CPO: variants seen among roughly 807,000 people sequenced by gnomAD.
The protein encoded by CPO is carboxypeptidase O.
In CPO, 43 loss-of-function variants were observed where a neutral mutation model predicts 41.2. That is an observed-to-expected ratio of 1.04 (90% CI 0.82 to 1.35). The LOEUF is 1.35. CPO is among the 40% of genes most tolerant of loss of function. CPO has a pLI of 0.00. For missense variants in CPO, 408 were observed against 451.7 expected (o/e 0.90, Z 0.88); for synonymous variants, 178 against 162.7 (o/e 1.09, Z -0.72).
chr2:206,948,760 C>CA (rs1693195547), intron 1 of CPO, among the ~76,000 whole-genome samples: 1 of 152,026 alleles, frequency 6.6e-6, no homozygotes, highest in Admixed American at 6.6e-5. Context: ...GACCTTGTTT[C>CA]AAAAACAAAA....
At chr2:206,966,653 C>A (rs1191915313) in intron 7 of CPO, among the ~76,000 whole-genome samples, 13 of 152,320 alleles carry the variant, frequency 8.5e-5, no homozygotes, top group Middle Eastern at 3.4e-3. Flanking sequence ...AACCCAGGAA[C>A]TGAGGCAGAC....
chr2:206,962,620 T>A lies in CPO; in HGVS notation c.777+6T>A, dbSNP rs1335415867. 2.5e-6 allele frequency: 4 copies of A among 1,610,782 alleles called. No homozygotes were observed. Among genetic ancestry groups the A allele is most frequent in the African/African-American group, 1.3e-5 (1 of 74,810 alleles). Reference sequence around the variant, plus strand: ...CAAGTAACCACCCAGAAATGGTGAGTCCATAGCACCAAGGCCTCCAGAAAA... The same window carrying A: ...CAAGTAACCACCCAGAAATGGTGAGACCATAGCACCAAGGCCTCCAGAAAA... On this transcript the variant is annotated splice_donor_region_variant and intron_variant, in intron 7 of 8. Coordinates refer to ENST00000272852, the MANE Select transcript of CPO (RefSeq NM_173077.3).
At chr2:206,955,377 G>T (rs1478483422) in intron 2 of CPO, 86 bp from the exon 3 acceptor site, 3 of 814,908 alleles carry the variant, frequency 3.7e-6, no homozygotes, top group Non-Finnish European at 6.6e-6. Flanking sequence ...AGAGTTCAAT[G>T]TGTCAGTGAA....
At chr2:206,950,596 A>G (rs12326184) in intron 2 of CPO, among the ~76,000 whole-genome samples, 3 of 152,230 alleles carry the variant, frequency 2.0e-5, no homozygotes, top group African/African-American at 7.2e-5. Flanking sequence ...CCAAAGGATT[A>G]TAAATCATTC....
At chr2:206,949,565 A>C in intron 1 of CPO, 52 bp from the exon 2 acceptor site, 2 of 1,321,630 alleles carry the variant, frequency 1.5e-6, no homozygotes, top group Non-Finnish European at 2.2e-6. Context: ...GCCAACCCTC[A>C]GGATATCCCA....
chr2:206,965,885 G>C lies in CPO; in HGVS notation c.778-2378G>C, dbSNP rs73983130. 5.7e-3 allele frequency among the ~76,000 whole-genome samples: 861 copies of C among 152,248 alleles called. 9 individuals carry two copies. Among genetic ancestry groups the C allele is most frequent in the African/African-American group, 0.02 (828 of 41,540 alleles). Reference sequence around the variant, plus strand: ...TATTATAGCCTTGCAATGTAGTGTCGAAGGAGAGAGAAGTACAATCAGGAG... The same window carrying C: ...TATTATAGCCTTGCAATGTAGTGTCCAAGGAGAGAGAAGTACAATCAGGAG... On this transcript the variant is annotated intron_variant, in intron 7 of 8. Coordinates refer to ENST00000272852, the MANE Select transcript of CPO (RefSeq NM_173077.3).
At position 206,969,368 on chromosome 2, in the gene CPO, AGT is replaced by A; in HGVS notation, c.1059_1060del (p.Ala354TrpfsTer?). On this transcript the variant is annotated frameshift_variant, in exon 9 of 9. Coordinates refer to ENST00000272852, the MANE Select transcript of CPO (RefSeq NM_173077.3). LOFTEE classifies it low-confidence loss of function (END_TRUNC). ...DVYAKHWHSD[S>X]AGRVTSATML... ...GTATGCGAAACACTGGCACTCGGACAGTGCTGGAAGGGTGACATCTGCCACTA... is the reference window on the plus strand; with the variant it reads ...GTATGCGAAACACTGGCACTCGGACAGCTGGAAGGGTGACATCTGCCACTA... 6.2e-7 allele frequency: 1 copy of A among 1,614,062 alleles called. No individual in the cohort carries two copies.
chr2:206,955,327 C>T, intron 2 of CPO, 136 bp from the exon 3 acceptor site: 1 of 664,270 alleles, frequency 1.5e-6, no homozygotes, highest in Admixed American at 2.3e-5. Context: ...TTTTCTGTTT[C>T]TTTTACCACA....
At chr2:206,945,656 C>G (rs1422214794) in intron 1 of CPO, among the ~76,000 whole-genome samples, 1 of 152,134 alleles carries the variant, frequency 6.6e-6, no homozygotes, top group East Asian at 1.9e-4. Flanking sequence ...GAATGTTTCT[C>G]TTAGGTGTGA....
intron 4 of CPO, 24 bp downstream of exon 4, chr2:206,958,429 A>C (rs2105826100): frequency 7.7e-7 from 1 of 1,290,450 alleles, no homozygotes; most frequent in Admixed American, 1.9e-5. Context: ...GCTTTCTCAT[A>C]CTGGTAAATC....
chr2:206,946,667 A>G (rs966056508), intron 1 of CPO, among the ~76,000 whole-genome samples: 2 of 152,172 alleles, frequency 1.3e-5, no homozygotes, highest in Non-Finnish European at 2.9e-5. Flanking sequence ...AAGAAATAAT[A>G]CTGTATTTGT....
chr2:206,946,498 CA>C (rs1443261322), intron 1 of CPO, among the ~76,000 whole-genome samples: 1 of 152,132 alleles, frequency 6.6e-6, no homozygotes, highest in Non-Finnish European at 1.5e-5. Flanking sequence ...AAAAAATCTA[CA>C]GTTTACATTA....
intron 1 of CPO, 29 bp from the exon 2 acceptor site, chr2:206,949,588 C>A: frequency 6.4e-7 from 1 of 1,554,802 alleles, no homozygotes; most frequent in Non-Finnish European, 8.9e-7. Context: ...TTCACCACTG[C>A]TTTTCCTCTT....
At chr2:206,942,920 C>T (rs548116388) in intron 1 of CPO, among the ~76,000 whole-genome samples, 3 of 152,290 alleles carry the variant, frequency 2.0e-5, no homozygotes, top group African/African-American at 7.2e-5. Flanking sequence ...TCGGGGCTTT[C>T]ACTTAAATCC....
chr2:206,954,407 G>A (rs111262899), intron 2 of CPO, among the ~76,000 whole-genome samples: 9 of 30,436 alleles, frequency 3.0e-4, no homozygotes, highest in East Asian at 2.1e-3. Context: ...AAAGCATAAC[G>A]AGTCACCTTT....
At position 206,962,503 on chromosome 2, in the gene CPO, A is replaced by G. The variant is rs1057191742; in HGVS notation, c.666A>G (p.Ile222Met). The change falls in exon 7 of 9, where the codon ATA (isoleucine) becomes ATG (methionine). Residue 222 changes from isoleucine to methionine, a missense_variant. Physicochemically the swap from Ile to Met is conservative, Grantham distance 10. Transcript: ENST00000272852. ...AGACTAAAGCTGTTGCCAGCTTCATAGAGAGCAAGAAGGATGATATTTTGT... is the reference window on the plus strand; with the variant it reads ...AGACTAAAGCTGTTGCCAGCTTCATGGAGAGCAAGAAGGATGATATTTTGT... The part of the protein sequence containing the change: ...EPETKAVASF[I>M]ESKKDDILCF... The G allele has an allele frequency of 3.1e-6, 5 of 1,614,004 alleles. No individual in the cohort carries two copies. In the African/African-American group the frequency reaches 5.3e-5, roughly 17 times the overall value.
chr2:206,954,441 C>T (rs1044814586), intron 2 of CPO, among the ~76,000 whole-genome samples: 17 of 152,164 alleles, frequency 1.1e-4, no homozygotes, highest in African/African-American at 3.4e-4. Flanking sequence ...GCAAGTTCCT[C>T]ATCTCCATCT....
chr2:206,948,900 T>C (rs1693198104), intron 1 of CPO, among the ~76,000 whole-genome samples: 2 of 152,320 alleles, frequency 1.3e-5, no homozygotes, highest in African/African-American at 4.8e-5. Flanking sequence ...GTATCAAAGT[T>C]CATTGATTCT....
intron 2 of CPO, among the ~76,000 whole-genome samples, chr2:206,953,606 A>G: frequency 6.6e-6 from 1 of 152,208 alleles, no homozygotes; most frequent in East Asian, 1.9e-4. Flanking sequence ...CAGTTCTTCC[A>G]GGTGCACAGT....
Sources: gnomAD v4.1 joint callset for allele counts (sites outside exome capture counted in the v4.1 genomes callset) on GRCh38, gnomAD v4.1.1 for gene constraint, MANE v1.5 for transcripts, NCBI Gene and HGNC (gene_info 2026-07-23, HGNC 2026-07-21) for gene names.